The following EHD2 variants were observed in gnomAD, a reference collection of about 807,000 sequenced individuals.
EHD2 encodes EH domain containing 2, also known as EH domain-containing protein 2.
In EHD2, 27 loss-of-function variants were observed where a neutral mutation model predicts 41.0. The ratio of observed to expected loss-of-function variants is 0.66; its 90% CI spans 0.49 to 0.91. EHD2 has a LOEUF of 0.91. Among genes scored for constraint, EHD2 ranks in the 40% least tolerant of loss-of-function variants. The pLI is 0.00. For missense variants in EHD2, 673 were observed against 773.9 expected, an observed-to-expected ratio of 0.87 and a Z score of 1.55; for synonymous variants, 342 against 341.0, an observed-to-expected ratio of 1.00 and a Z score of -0.03.
chr19:47,739,618 G>GAAAGA (rs1248459567), intron 5 of EHD2, among the ~76,000 whole-genome samples: 7 of 146,084 alleles, frequency 4.8e-5, no homozygotes, highest in Admixed American at 2.7e-4. Flanking sequence ...AAAAAAAAAG[G>GAAAGA]AAAGAAAAGA....
intron 3 of EHD2, among the ~76,000 whole-genome samples, chr19:47,725,368 G>C (rs1024353175): frequency 2.1e-5 from 3 of 139,896 alleles, no homozygotes; most frequent in African/African-American, 8.3e-5. Context: ...CGGCAGCCCG[G>C]GTAACATAGT....
At chr19:47,718,273 C>CAAAAAAA (rs58873230) in intron 2 of EHD2, among the ~76,000 whole-genome samples, 1 of 91,942 alleles carries the variant, frequency 1.1e-5, no homozygotes, top group Non-Finnish European at 2.1e-5. Flanking sequence ...AACTCTGTCT[C>CAAAAAAA]AAAAAAAAAA....
intron 1 of EHD2, among the ~76,000 whole-genome samples, chr19:47,713,754 C>T (rs77382626): frequency 0.062 from 9,345 of 151,456 alleles, 360 homozygotes; most frequent in East Asian, 0.097. Context: ...TCCAGTCTTT[C>T]GCAGCCTCTC....
At chr19:47,726,962 G>T (rs1303616374) in intron 4 of EHD2, among the ~76,000 whole-genome samples, 1 of 152,112 alleles carries the variant, frequency 6.6e-6, no homozygotes, top group Non-Finnish European at 1.5e-5. Flanking sequence ...GCAGGCATGA[G>T]TATGTTGAAT....
At chr19:47,731,750 A>G (rs1966879186) in intron 4 of EHD2, among the ~76,000 whole-genome samples, 1 of 150,760 alleles carries the variant, frequency 6.6e-6, no homozygotes, top group Non-Finnish European at 1.5e-5. Context: ...CAACCCCCAT[A>G]AGTAGTTTCT....
chr19:47,726,874 T>TA (rs1217038449), intron 4 of EHD2, among the ~76,000 whole-genome samples: 5 of 152,110 alleles, frequency 3.3e-5, no homozygotes, highest in Non-Finnish European at 7.4e-5. Context: ...GTCGAGGTCT[T>TA]ACTGTGTTGC....
intron 1 of EHD2, 25 bp from the exon 2 acceptor site, chr19:47,716,533 C>G: frequency 1.4e-6 from 2 of 1,429,838 alleles, no homozygotes; most frequent in Non-Finnish European, 1.8e-6. Flanking sequence ...GCCGCCTATG[C>G]TCATGCCCTC....
chr19:47,716,755 C>T lies in EHD2; in HGVS notation c.143C>T (p.Pro48Leu), dbSNP rs11550016. Reference protein sequence around the residue: ...EHYRFGAFHSPALEDADFDGK... With the variant: ...EHYRFGAFHSLALEDADFDGK... ...TACCGCTTTGGGGCCTTCCACTCGCCGGCCCTGGAGGACGCAGACTTCGAC... is the reference window on the plus strand; with the variant it reads ...TACCGCTTTGGGGCCTTCCACTCGCTGGCCCTGGAGGACGCAGACTTCGAC... The change falls in exon 2 of 6, where the codon CCG (proline) becomes CTG (leucine). Residue 48 changes from proline (P) to leucine (L), a missense_variant. By Grantham distance (98) the Pro-to-Leu change is moderately conservative (BLOSUM62 -3). Transcript: ENST00000263277. The T allele has an allele frequency of 6.4e-3, 10,374 of 1,613,378 alleles. 223 individuals carry two copies. Among genetic ancestry groups the T allele is most frequent in the South Asian group, 0.043 (3,949 of 91,000 alleles).
intron 4 of EHD2, among the ~76,000 whole-genome samples, chr19:47,727,862 G>T (rs991958420): frequency 1.3e-5 from 2 of 152,058 alleles, no homozygotes; most frequent in Admixed American, 6.6e-5. Context: ...GGGAGGCCGA[G>T]GGGGGAGCAG....
Position 47,716,260 on chromosome 19 carries a change from G to T in EHD2, c.-55-298G>T, listed in dbSNP as rs541265344. ...TGCCCAGCTAATTATTTTTTTTGTA[G>T]AGATGGGGGTCTCACTATTTTACCC... On this transcript the variant is annotated intron_variant, in intron 1 of 5. Coordinates refer to ENST00000263277, the MANE Select transcript of EHD2 (RefSeq NM_014601.4). Among the ~76,000 whole-genome samples, 29 of 151,218 alleles carry T rather than the reference G, an allele frequency of 1.9e-4. No individual in the cohort carries two copies. In the South Asian group the frequency reaches 4.4e-3, roughly 23 times the overall value.
In EHD2 at chr19:47,736,595, C is replaced by T. The variant is rs112329790; in HGVS notation, c.1080+62C>T. The stretch of plus-strand genomic sequence containing the variant: ...TGATGGGAAGGTTGGTTTCTGGAAG[C>T]TCTGAGATGGGACCTCAAAAGCCAG... On this transcript the variant is annotated intron_variant, in intron 5 of 5. Transcript: ENST00000263277. The T allele has an allele frequency of 8.6e-5, 130 of 1,504,132 alleles. No individual in the cohort carries two copies. In the African/African-American group the frequency reaches 1.5e-3, roughly 18 times the overall value. The allele number at this position is 1,504,132 out of a possible 1,614,324, so 93.2% of individuals were successfully genotyped here.
At chr19:47,715,653 G>A (rs1196259830) in intron 1 of EHD2, among the ~76,000 whole-genome samples, 1 of 152,134 alleles carries the variant, frequency 6.6e-6, no homozygotes, top group Admixed American at 6.6e-5. Flanking sequence ...TAAGGAATCC[G>A]TTTCTTCCAG....
chr19:47,728,452 C>T (rs181041656), intron 4 of EHD2, among the ~76,000 whole-genome samples: 1 of 152,194 alleles, frequency 6.6e-6, no homozygotes, highest in Admixed American at 6.6e-5. Context: ...CCATATGCGT[C>T]CTTCTTTACC....
intron 2 of EHD2, among the ~76,000 whole-genome samples, chr19:47,717,633 CCGGTGGCT>C (rs1973643097): frequency 6.6e-6 from 1 of 151,986 alleles, no homozygotes; most frequent in South Asian, 2.1e-4. Context: ...TGGGCCAGGC[CCGGTGGCT>C]CACACCTGTA....
chr19:47,739,112 T>C lies in EHD2; in HGVS notation c.1081-1769T>C, dbSNP rs752726377. Among the ~76,000 whole-genome samples the C allele has an allele frequency of 2.0e-4, 30 of 151,948 alleles. 1 individual carries two copies. Among genetic ancestry groups the C allele is most frequent in the South Asian group, 4.2e-4 (2 of 4,818 alleles). On this transcript the variant is annotated intron_variant, in intron 5 of 5. Transcript: ENST00000263277. The stretch of plus-strand genomic sequence containing the variant: ...TTCTCTCCCCCCCTGCACACTTTTT[T>C]GTTTTGAGACAGGGTCTTGCTCTGT...
chr19:47,739,570 C>T (rs1966963129), intron 5 of EHD2, among the ~76,000 whole-genome samples: 1 of 138,678 alleles, frequency 7.2e-6, no homozygotes, highest in African/African-American at 2.7e-5. Context: ...CATTGCACTC[C>T]AGCCTGGGTG....
At chr19:47,714,980 G>T (rs1568586743) in intron 1 of EHD2, among the ~76,000 whole-genome samples, 1 of 151,832 alleles carries the variant, frequency 6.6e-6, no homozygotes, top group Non-Finnish European at 1.5e-5. Context: ...GAAGGCTGCA[G>T]TGAGCTGAGA....
rs1973746528 is a variant in EHD2, at chr19:47,725,945, C to T, written c.636C>T (p.Asp212=). Reference sequence around the variant, plus strand: ...TCGGCGCGTTGCGGGGCCATGAGGACAAGATCCGCGTGGTGCTCAACAAGG... The same window carrying T: ...TCGGCGCGTTGCGGGGCCATGAGGATAAGATCCGCGTGGTGCTCAACAAGG... ...EAIGALRGHE[D]KIRVVLNKAD... is the part of the protein sequence containing the mutation. The change falls in exon 4 of 6, where the codon GAC becomes GAT. Residue 212 remains aspartate (D), a synonymous_variant. Transcript: ENST00000263277. 6.2e-7 allele frequency: 1 copy of T among 1,613,748 alleles called. No homozygotes were observed.
chr19:47,721,164 GGTGTGTGTGT>G (rs60140753), intron 3 of EHD2, among the ~76,000 whole-genome samples: 13 of 57,162 alleles, frequency 2.3e-4, no homozygotes, highest in Non-Finnish European at 3.3e-4. Flanking sequence ...TGCTACTGGG[GGTGTGTGTGT>G]GTGTGTGTGT....
Sources: allele counts gnomAD v4.1 joint callset (sites outside exome capture counted in the v4.1 genomes callset), GRCh38; gene constraint gnomAD v4.1.1; transcripts MANE v1.5; gene names NCBI Gene and HGNC (gene_info 2026-07-23, HGNC 2026-07-21).